FEZ2: variants seen among roughly 807,000 people sequenced by gnomAD.
The protein encoded by FEZ2 is fasciculation and elongation protein zeta-2.
FEZ2 carries 51 observed loss-of-function variants against 40.4 expected under a neutral mutation model. The observed-to-expected ratio is 1.26, with a 90% CI of 1.01 to 1.59. FEZ2 has a LOEUF of 1.59. FEZ2 is among the 40% of genes most tolerant of loss of function. The pLI is 0.00. For missense variants in FEZ2, 640 were observed against 438.3 expected (o/e 1.46, Z -4.11); for synonymous variants, 242 against 172.0 (o/e 1.41, Z -3.18).
chr2:36,584,451 G>A (rs1668842343), intron 2 of FEZ2, among the ~76,000 whole-genome samples: 1 of 152,168 alleles, frequency 6.6e-6, no homozygotes, highest in African/African-American at 2.4e-5. Flanking sequence ...AGTACTGATT[G>A]TAAAAACTTT....
At chr2:36,571,004 TACTACA>T (rs1401085725) in intron 5 of FEZ2, among the ~76,000 whole-genome samples, 5 of 152,202 alleles carry the variant, frequency 3.3e-5, no homozygotes, top group African/African-American at 1.2e-4. Context: ...TCCTGATTTT[TACTACA>T]TTAACTGATG....
intron 7 of FEZ2, among the ~76,000 whole-genome samples, chr2:36,554,566 T>A (rs995934598): frequency 5.3e-5 from 8 of 151,800 alleles, no homozygotes; most frequent in South Asian, 2.1e-4. Context: ...AAAAAAAAAT[T>A]TTTCAGAATT....
chr2:36,582,644 C>A (rs528475513), intron 3 of FEZ2, among the ~76,000 whole-genome samples: 1 of 152,308 alleles, frequency 6.6e-6, no homozygotes, highest in East Asian at 1.9e-4. Flanking sequence ...TAAGGAGGAT[C>A]CAAATAACAC....
chr2:36,584,129 C>A (rs377146907), intron 2 of FEZ2: 4 of 152,298 alleles, frequency 2.6e-5, no homozygotes, highest in African/African-American at 9.7e-5. Context: ...GTGGGTTAAA[C>A]CCCATTGGCA....
chr2:36,556,977 G>A (rs1667975335), intron 6 of FEZ2: 1 of 152,130 alleles, frequency 6.6e-6, no homozygotes, highest in Non-Finnish European at 1.5e-5. Flanking sequence ...AAGACATCTC[G>A]ATGCTGGAAT....
chr2:36,573,721 CAAAT>C (rs1301049371), intron 5 of FEZ2, among the ~76,000 whole-genome samples: 3 of 152,182 alleles, frequency 2.0e-5, no homozygotes, highest in Non-Finnish European at 4.4e-5. Context: ...TGTACCCTCA[CAAAT>C]AAATATGAAA....
rs115393552 is a variant in FEZ2, at chr2:36,565,417, G to A, written c.904-6904C>T. On this transcript the variant is annotated intron_variant, in intron 5 of 7. Transcript: ENST00000405912. ...GTCGTACGACGCCATCCATTTTCCA[G>A]CTTCCACTGTGCAATTTCCATAGCC... Among the ~76,000 whole-genome samples, 1,399 of 152,262 alleles carry A rather than the reference G, an allele frequency of 9.2e-3. 13 individuals carry two copies. The highest frequency in any genetic ancestry group is 0.032 in the African/African-American group (1,342 of 41,542).
intron 6 of FEZ2, chr2:36,558,174 A>G: frequency 3.7e-6 from 1 of 267,370 alleles, no homozygotes; most frequent in Non-Finnish European, 7.0e-6. Context: ...ATGGAGATTT[A>G]GGTTATGCTT....
chr2:36,562,696 T>C (rs1668124249), intron 5 of FEZ2, among the ~76,000 whole-genome samples: 1 of 152,192 alleles, frequency 6.6e-6, no homozygotes, highest in Non-Finnish European at 1.5e-5. Flanking sequence ...TCCAATGCTA[T>C]CATAATTCAT....
rs182970037 is a variant in FEZ2 at position 36,557,624 on chromosome 2, G to A, written c.979+814C>T. 34 of 151,996 alleles carry A rather than the reference G, an allele frequency of 2.2e-4. No individual in the cohort carries two copies. The East Asian group carries it at 6.0e-3, about 27-fold the overall frequency. 9.4% of individuals were successfully genotyped at this position (151,996 alleles called of 1,614,324 possible). A position where few individuals can be genotyped will look rare whatever the true frequency, so the allele number is the denominator to read the frequency against. On this transcript the variant is annotated intron_variant, in intron 6 of 7. Coordinates refer to ENST00000405912, the MANE Select transcript of FEZ2 (RefSeq NM_005102.3). ...GCAAATTCAATCCCTCCATTTTAAC[G>A]GCTAATTGATAGTAACTTAGCCAAA...
rs887768232 is a variant in FEZ2, at chr2:36,571,654, C to CA, written c.903+6942dup. The stretch of plus-strand genomic sequence containing the variant: ...TGGGCAATAGAGCAAGACCCTGTCT[C>CA]AAAAAAAAAGAATGTATGTCAGGTA... On this transcript the variant is annotated intron_variant, in intron 5 of 7. Coordinates refer to ENST00000405912, the MANE Select transcript of FEZ2 (RefSeq NM_005102.3). 1.9e-4 allele frequency among the ~76,000 whole-genome samples: 28 copies of CA among 148,818 alleles called. No individual in the cohort carries two copies. The East Asian group carries it at 2.2e-3, about 12-fold the overall frequency.
chr2:36,589,691 G>C (rs1264075286), intron 2 of FEZ2: 1 of 152,120 alleles, frequency 6.6e-6, no homozygotes, highest in Non-Finnish European at 1.5e-5. Flanking sequence ...ATTAATGACT[G>C]GCACAGTCAG....
chr2:36,564,288 A>G (rs1302432729), intron 5 of FEZ2, among the ~76,000 whole-genome samples: 4 of 152,178 alleles, frequency 2.6e-5, no homozygotes, highest in Non-Finnish European at 5.9e-5. Context: ...CAATATTTCT[A>G]AAACTCATAT....
chr2:36,595,576 T>C (rs1669192680), intron 1 of FEZ2, among the ~76,000 whole-genome samples: 1 of 152,178 alleles, frequency 6.6e-6, no homozygotes, highest in African/African-American at 2.4e-5. Flanking sequence ...CCTCCTGTAG[T>C]GTGGCCCAGT....
intron 5 of FEZ2, among the ~76,000 whole-genome samples, chr2:36,570,781 T>C (rs769872019): frequency 7.2e-5 from 11 of 152,286 alleles, no homozygotes; most frequent in Non-Finnish European, 1.2e-4. Context: ...TATCTAAATA[T>C]AGATAAACAT....
chr2:36,566,141 C>G (rs1270050510), intron 5 of FEZ2, among the ~76,000 whole-genome samples: 1 of 152,124 alleles, frequency 6.6e-6, no homozygotes, highest in African/African-American at 2.4e-5. Flanking sequence ...GAGATGGAGA[C>G]CATCCTGGCT....
At chr2:36,590,091 ACTT>A (rs144409429) in intron 2 of FEZ2, 1 of 152,304 alleles carries the variant, frequency 6.6e-6, no homozygotes, top group East Asian at 1.9e-4. Flanking sequence ...TCGTGCTCAC[ACTT>A]CTTAGTCAAG....
In FEZ2 at chr2:36,590,905, C is replaced by T. The variant is rs925372486; in HGVS notation, c.373G>A (p.Gly125Arg). The stretch of plus-strand genomic sequence containing the variant: ...TATTGGTTCAATTCCTAACTTACCC[C>T]TTTTTCTGAGAGGTTCAGAGTAAGC... ...HLLTLNLSEK[G>R]VSDSLLFDTS... The change falls in exon 2 of 8, where the codon GGG becomes AGG. Residue 125 changes from glycine (G) to arginine (R), a missense_variant and splice_region_variant. Coordinates refer to ENST00000405912, the MANE Select transcript of FEZ2 (RefSeq NM_005102.3). 5 of 1,577,152 alleles carry T rather than the reference C, an allele frequency of 3.2e-6. No individual in the cohort carries two copies. Among genetic ancestry groups the T allele is most frequent in the Non-Finnish European group, 4.4e-6 (5 of 1,146,476 alleles).
intron 1 of FEZ2, among the ~76,000 whole-genome samples, chr2:36,592,461 T>C (rs148615335): frequency 2.6e-5 from 4 of 152,120 alleles, no homozygotes; most frequent in East Asian, 3.9e-4. Flanking sequence ...AAAGAAGCAA[T>C]AGGACTGCAA....
Sources: gnomAD v4.1 joint callset for allele counts (sites outside exome capture counted in the v4.1 genomes callset) on GRCh38, gnomAD v4.1.1 for gene constraint, MANE v1.5 for transcripts, NCBI Gene and HGNC (gene_info 2026-07-23, HGNC 2026-07-21) for gene names.